PRKN: variants seen among roughly 807,000 people sequenced by gnomAD.
PRKN encodes E3 ubiquitin-protein ligase parkin.
A neutral mutation model predicts 59.5 loss-of-function variants in PRKN; 56 were observed. That is an observed-to-expected ratio of 0.94 (90% CI 0.76 to 1.18). The LOEUF (loss-of-function observed/expected upper bound fraction) is 1.18, where lower values mean the gene tolerates loss of function less well. Among genes scored for constraint, PRKN ranks in the 50% most tolerant of loss-of-function variants. The pLI is 0.00. For synonymous variants in PRKN, 250 were observed against 222.1 expected (o/e 1.13, Z -1.12); for missense variants, 657 against 596.4 (o/e 1.10, Z -1.06).
intron 9 of PRKN, among the ~76,000 whole-genome samples, chr6:161,474,197 G>A (rs139649354): frequency 2.9e-3 from 436 of 152,320 alleles, no homozygotes; most frequent in Non-Finnish European, 7.5e-4. Context: ...AAATGGTGCA[G>A]TCATGTGAGG....
intron 9 of PRKN, among the ~76,000 whole-genome samples, chr6:161,433,706 C>T (rs1788753032): frequency 6.6e-6 from 1 of 152,040 alleles, no homozygotes; most frequent in African/African-American, 2.4e-5. Flanking sequence ...TGCTGTCTCT[C>T]TTCTTTTATA....
At chr6:162,284,429 G>T (rs974919355) in intron 2 of PRKN, among the ~76,000 whole-genome samples, 52 of 151,806 alleles carry the variant, frequency 3.4e-4, no homozygotes, top group African/African-American at 1.2e-3. Context: ...TCTCCATGTT[G>T]GTCAGGCTGG....
intron 7 of PRKN, among the ~76,000 whole-genome samples, chr6:161,780,712 T>C (rs1425254009): frequency 5.3e-5 from 8 of 152,114 alleles, no homozygotes; most frequent in Non-Finnish European, 8.8e-5. Flanking sequence ...TACGTGAACA[T>C]CAATGTGATT....
At chr6:161,774,764 G>A (rs1370717164) in intron 7 of PRKN, among the ~76,000 whole-genome samples, 1 of 152,200 alleles carries the variant, frequency 6.6e-6, no homozygotes, top group Non-Finnish European at 1.5e-5. Flanking sequence ...TGTTGCTTTG[G>A]TTAGAGAAGT....
chr6:161,777,686 A>G (rs1320741647), intron 7 of PRKN, among the ~76,000 whole-genome samples: 1 of 134,186 alleles, frequency 7.5e-6, no homozygotes, highest in East Asian at 2.0e-4. Context: ...TATATATAAT[A>G]TATATATACA....
chr6:162,069,906 G>A (rs6908962), intron 4 of PRKN, among the ~76,000 whole-genome samples: 124,923 of 152,216 alleles, frequency 0.82, 51,425 homozygotes, highest in East Asian at 0.88. Context: ...TATACAGGAC[G>A]CAAGAGAGGC....
At chr6:161,874,727 A>AT (rs1458089563) in intron 6 of PRKN, among the ~76,000 whole-genome samples, 15 of 101,906 alleles carry the variant, frequency 1.5e-4, no homozygotes, top group South Asian at 1.0e-3. Context: ...TACAATATAT[A>AT]AAATGTACTA....
rs116471130 is a variant in PRKN, at chr6:161,596,587, G to A, written c.872-27171C>T. 3.7e-3 allele frequency among the ~76,000 whole-genome samples: 566 copies of A among 152,010 alleles called. 5 individuals are homozygous for A. Among genetic ancestry groups the A allele is most frequent in the African/African-American group, 0.013 (549 of 41,438 alleles). ...CCTTTCACCCACCAGTGGTCCCAGC[G>A]ATATCGACAAGAAACCCCTAGGAAC... On this transcript the variant is annotated intron_variant, in intron 7 of 11. Transcript: ENST00000366898.
intron 2 of PRKN, among the ~76,000 whole-genome samples, chr6:162,331,901 T>G (rs908958531): frequency 1.4e-4 from 21 of 152,192 alleles, no homozygotes; most frequent in African/African-American, 5.1e-4. Context: ...TTTTTGAGAA[T>G]GCATGTTAAC....
chr6:161,689,254 T>TTCCCTCAA, intron 7 of PRKN, among the ~76,000 whole-genome samples: 1 of 150,194 alleles, frequency 6.7e-6, no homozygotes, highest in East Asian at 2.0e-4. Context: ...CAGATCCCGG[T>TTCCCTCAA]TCCCTCAAGG....
intron 6 of PRKN, among the ~76,000 whole-genome samples, chr6:161,955,809 C>T (rs564503815): frequency 6.6e-6 from 1 of 152,278 alleles, no homozygotes; most frequent in East Asian, 1.9e-4. Flanking sequence ...AAGATCACAC[C>T]ATTGCACTCC....
Position 161,874,329 on chromosome 6 carries a change from C to A in PRKN, c.735-88421G>T, listed in dbSNP as rs192257550. ...AATATTATATATAAAATATATATTA[C>A]ATGTAAAATATTATATATAAAATAT... On this transcript the variant is annotated intron_variant, in intron 6 of 11. Transcript: ENST00000366898. Among the ~76,000 whole-genome samples the A allele has an allele frequency of 1.7e-4, 10 of 57,664 alleles. 2 individuals carry two copies. The highest frequency in any genetic ancestry group is 8.6e-4 in the African/African-American group (9 of 10,414). 37.8% of individuals were successfully genotyped at this position (57,664 alleles called of 152,430 possible). A position where few individuals can be genotyped will look rare whatever the true frequency, so the allele number is the denominator to read the frequency against.
chr6:161,586,939 G>T (rs1221382331), intron 7 of PRKN, among the ~76,000 whole-genome samples: 2 of 152,178 alleles, frequency 1.3e-5, no homozygotes. Context: ...CATATAATGA[G>T]ACTGCTCTCT....
intron 4 of PRKN, among the ~76,000 whole-genome samples, chr6:162,165,874 C>G (rs565355799): frequency 6.6e-6 from 1 of 151,728 alleles, no homozygotes; most frequent in African/African-American, 2.4e-5. Flanking sequence ...CATGGTGAAA[C>G]CCCTTCTCTA....
chr6:162,359,081 T>A lies in PRKN; in HGVS notation c.171+84229A>T, dbSNP rs796683465. Reference sequence around the variant, plus strand: ...TGGCAAAAAAAAAAAAAAAAAAAAATATATATATATATATATGAAATCACT... The same window carrying A: ...TGGCAAAAAAAAAAAAAAAAAAAAAAATATATATATATATATGAAATCACT... On this transcript the variant is annotated intron_variant, in intron 2 of 11. Coordinates refer to ENST00000366898, the MANE Select transcript of PRKN (RefSeq NM_004562.3). Among the ~76,000 whole-genome samples the A allele has an allele frequency of 7.6e-3, 720 of 94,412 alleles. 3 individuals carry two copies. The highest frequency in any genetic ancestry group is 0.017 in the Middle Eastern group (3 of 174). The allele number at this position is 94,412 out of a possible 152,430, so 61.9% of individuals were successfully genotyped here.
chr6:161,580,381 C>T (rs1781289789), intron 7 of PRKN, among the ~76,000 whole-genome samples: 1 of 152,204 alleles, frequency 6.6e-6, no homozygotes, highest in Non-Finnish European at 1.5e-5. Context: ...CAGGTGACTG[C>T]ACCATGGCCC....
intron 1 of PRKN, among the ~76,000 whole-genome samples, chr6:162,503,660 T>C (rs1233601340): frequency 6.6e-6 from 1 of 152,192 alleles, no homozygotes; most frequent in Admixed American, 6.5e-5. Flanking sequence ...TTTTAACCTT[T>C]GGTCAACAGA....
intron 1 of PRKN, among the ~76,000 whole-genome samples, chr6:162,673,955 T>C (rs575955824): frequency 9.6e-4 from 146 of 152,310 alleles, no homozygotes; most frequent in African/African-American, 3.4e-3. Flanking sequence ...GAGAAATCAA[T>C]GACTTTTTCT....
In PRKN at chr6:161,446,244, G is replaced by T. The variant is rs1789486927; in HGVS notation, c.1084-59367C>A. Among the ~76,000 whole-genome samples the T allele has an allele frequency of 6.6e-6, 1 of 152,102 alleles. No individual in the cohort carries two copies. The highest frequency in any genetic ancestry group is 1.5e-5 in the Non-Finnish European group (1 of 68,008). The stretch of plus-strand genomic sequence containing the variant: ...GAACAAAACAAAAAAATTGGAGAAG[G>T]GATTTCTCTGATTTCTCCCTTTGGG... On this transcript the variant is annotated intron_variant, in intron 9 of 11. Transcript: ENST00000366898. This position sits in a 1 kb window ranked among gnomAD's most constrained non-coding sequence, Gnocchi z 6.2.
Sources: gnomAD v4.1 joint callset for allele counts (sites outside exome capture counted in the v4.1 genomes callset) on GRCh38, gnomAD v4.1.1 for gene constraint, Gnocchi (gnomAD v3.1) non-coding constraint, MANE v1.5 for transcripts, NCBI Gene and HGNC (gene_info 2026-07-23, HGNC 2026-07-21) for gene names.